The following CNTN4 variants were observed in gnomAD, a reference collection of about 807,000 sequenced individuals.
CNTN4 encodes the protein contactin 4, also known as contactin-4.
Under a neutral mutation model 122.5 loss-of-function variants are expected in CNTN4, and 77 were observed. That is an observed-to-expected ratio of 0.63 (90% CI 0.52 to 0.76). CNTN4 has a LOEUF of 0.76. CNTN4 is among the 30% of genes least tolerant of loss of function. The pLI is 0.00. For synonymous variants in CNTN4, 512 were observed against 447.0 expected (o/e 1.15, Z -1.83); for missense variants, 1,256 against 1,259.1 (o/e 1.00, Z 0.04).
chr3:2,116,216 T>A (rs1019122199), intron 2 of CNTN4, among the ~76,000 whole-genome samples: 7 of 152,296 alleles, frequency 4.6e-5, no homozygotes, highest in Non-Finnish European at 8.8e-5. Context: ...TTTACTGTTA[T>A]CCTCCATAAT....
intron 2 of CNTN4, among the ~76,000 whole-genome samples, chr3:2,307,125 C>G (rs993963407): frequency 6.6e-6 from 1 of 152,032 alleles, no homozygotes; most frequent in Non-Finnish European, 1.5e-5. Flanking sequence ...CTAGTTAGGA[C>G]CTCCACTACA....
intron 2 of CNTN4, among the ~76,000 whole-genome samples, chr3:2,115,353 T>A (rs2033277400): frequency 6.6e-6 from 1 of 152,246 alleles, no homozygotes; most frequent in Non-Finnish European, 1.5e-5. Flanking sequence ...TTCCTTCTAT[T>A]CCATGCGCTC....
rs539200761 is a variant in CNTN4 at position 2,945,682 on chromosome 3, A to G, written c.1358+19903A>G. ...TAAAAAACTTCGACATCAGATCAAT[A>G]AAACCACCTCTTCGCCTAGTTCCTA... On this transcript the variant is annotated intron_variant, in intron 13 of 24. Transcript: ENST00000418658. Among the ~76,000 whole-genome samples the G allele has an allele frequency of 4.6e-5, 7 of 152,314 alleles. No individual in the cohort carries two copies. The East Asian group carries it at 1.2e-3, about 25-fold the overall frequency.
chr3:2,507,300 C>T (rs2076755626), intron 3 of CNTN4, among the ~76,000 whole-genome samples: 1 of 152,112 alleles, frequency 6.6e-6, no homozygotes, highest in Non-Finnish European at 1.5e-5. Flanking sequence ...CAGCCAGTAG[C>T]ACCCCTACCC....
At chr3:2,939,908 T>TG (rs2094598399) in intron 13 of CNTN4, among the ~76,000 whole-genome samples, 1 of 152,218 alleles carries the variant, frequency 6.6e-6, no homozygotes, top group South Asian at 2.1e-4. Context: ...CATTCATAGC[T>TG]TGATGTTAGC....
chr3:2,475,860 C>T (rs1003171231), intron 3 of CNTN4, among the ~76,000 whole-genome samples: 5 of 152,164 alleles, frequency 3.3e-5, no homozygotes, highest in African/African-American at 9.7e-5. Flanking sequence ...CAGCTCTTAA[C>T]TCATATGCTC....
At position 2,852,114 on chromosome 3, in the gene CNTN4, T is replaced by G. The variant is rs184836931; in HGVS notation, c.455-14638T>G. ...TTGAAAGTGAGAGAGCATATTAATT[T>G]TATAATTTTTGCTACTTCTATTTGT... On this transcript the variant is annotated intron_variant, in intron 7 of 24. Coordinates refer to ENST00000418658, the MANE Select transcript of CNTN4 (RefSeq NM_175607.3). 1.3e-4 allele frequency among the ~76,000 whole-genome samples: 20 copies of G among 152,326 alleles called. 1 individual carries two copies. The highest frequency in any genetic ancestry group is 4.8e-4 in the African/African-American group (20 of 41,574).
chr3:2,542,414 A>C (rs1382703788), intron 3 of CNTN4, among the ~76,000 whole-genome samples: 3 of 152,140 alleles, frequency 2.0e-5, no homozygotes, highest in African/African-American at 7.2e-5. Context: ...AACAGTATAG[A>C]TAGGAGACAG....
intron 12 of CNTN4, among the ~76,000 whole-genome samples, chr3:2,917,450 A>G (rs2094381113): frequency 6.6e-6 from 1 of 151,168 alleles, no homozygotes; most frequent in Admixed American, 6.6e-5. Flanking sequence ...TTACTTGGGA[A>G]TTTTGTTAAG....
chr3:2,562,289 G>T (rs1404047785), intron 3 of CNTN4, among the ~76,000 whole-genome samples: 1 of 152,024 alleles, frequency 6.6e-6, no homozygotes, highest in Non-Finnish European at 1.5e-5. Flanking sequence ...TAGGTATATT[G>T]TGTGATGCTG....
chr3:2,802,700 A>T (rs993779333), intron 6 of CNTN4, among the ~76,000 whole-genome samples: 1 of 152,210 alleles, frequency 6.6e-6, no homozygotes, highest in Non-Finnish European at 1.5e-5. Flanking sequence ...TTTAGCAGTC[A>T]CTAATTCAGT....
rs566167739 is a variant in CNTN4, at chr3:2,159,550, G to A, written c.-145+58911G>A. Among the ~76,000 whole-genome samples the A allele has an allele frequency of 3.3e-5, 5 of 152,244 alleles. No homozygotes were observed. In the South Asian group the frequency reaches 8.3e-4, roughly 25 times the overall value. ...GGCTTTGAGACAGTTGCCATGAAAGGTATCTCATTTTCCTGCCCTGGAGAT... is the reference window on the plus strand; with the variant it reads ...GGCTTTGAGACAGTTGCCATGAAAGATATCTCATTTTCCTGCCCTGGAGAT... On this transcript the variant is annotated intron_variant, in intron 2 of 24. Coordinates refer to ENST00000418658, the MANE Select transcript of CNTN4 (RefSeq NM_175607.3).
intron 3 of CNTN4, among the ~76,000 whole-genome samples, chr3:2,483,377 G>T (rs2076060509): frequency 6.6e-6 from 1 of 152,092 alleles, no homozygotes; most frequent in South Asian, 2.1e-4. Flanking sequence ...CACCTCATAG[G>T]CAGAAGGGAC....
chr3:2,679,620 G>C (rs2085060333), intron 4 of CNTN4, among the ~76,000 whole-genome samples: 1 of 152,016 alleles, frequency 6.6e-6, no homozygotes. Context: ...ATTATACTGG[G>C]GTCACCCTGA....
At chr3:2,712,041 A>G (rs1490002479) in intron 4 of CNTN4, among the ~76,000 whole-genome samples, 1 of 152,206 alleles carries the variant, frequency 6.6e-6, no homozygotes, top group East Asian at 1.9e-4. Flanking sequence ...CTGGCTGCTA[A>G]TGACAGATGA....
intron 4 of CNTN4, among the ~76,000 whole-genome samples, chr3:2,599,273 CT>C (rs1385301473): frequency 8.5e-5 from 13 of 152,060 alleles, no homozygotes; most frequent in Non-Finnish European, 1.8e-4. Flanking sequence ...GAAACTGAGG[CT>C]TATAGAATTT....
chr3:2,767,632 G>T (rs2090920170), intron 6 of CNTN4, among the ~76,000 whole-genome samples: 1 of 152,130 alleles, frequency 6.6e-6, no homozygotes, highest in Non-Finnish European at 1.5e-5. Context: ...GGTGGAAAAT[G>T]CACAGCCGAT....
chr3:2,912,383 C>G (rs1241400922), intron 12 of CNTN4, among the ~76,000 whole-genome samples: 1 of 152,082 alleles, frequency 6.6e-6, no homozygotes, highest in Non-Finnish European at 1.5e-5. Context: ...CCCAGATAAA[C>G]AAAAGCTGAA....
At position 2,900,715 on chromosome 3, in the gene CNTN4, A is replaced by G; in HGVS notation, c.971A>G (p.Asp324Gly). The change falls in exon 11 of 25, where the codon GAT becomes GGT. Residue 324 changes from aspartate (D) to glycine (G), a missense_variant. By Grantham distance (94) the Asp-to-Gly change is moderately conservative. Coordinates refer to ENST00000418658, the MANE Select transcript of CNTN4 (RefSeq NM_175607.3). ...CCTAATTGGATTCAAAAAATAAATGATATTCACGTGGCCATGGAAGAAAAT... is the reference window on the plus strand; with the variant it reads ...CCTAATTGGATTCAAAAAATAAATGGTATTCACGTGGCCATGGAAGAAAAT... ...AQPNWIQKINDIHVAMEENVF... is the reference protein window; with the variant it reads ...AQPNWIQKINGIHVAMEENVF... 6.2e-7 allele frequency: 1 copy of G among 1,613,910 alleles called. No homozygotes were observed.
Sources: gnomAD v4.1 joint callset for allele counts (sites outside exome capture counted in the v4.1 genomes callset) on GRCh38, gnomAD v4.1.1 for gene constraint, MANE v1.5 for transcripts, NCBI Gene and HGNC (gene_info 2026-07-23, HGNC 2026-07-21) for gene names.